Variants in MCTP2 observed in about 807,000 individuals in gnomAD.
MCTP2 encodes the protein multiple C2 and transmembrane domain containing 2.
Under a neutral mutation model 111.6 loss-of-function variants are expected in MCTP2, and 132 were observed. The ratio of observed to expected loss-of-function variants is 1.18; its 90% CI spans 1.03 to 1.37. The LOEUF (loss-of-function observed/expected upper bound fraction) is 1.37, where lower values mean the gene tolerates loss of function less well. Ranked by LOEUF, MCTP2 falls within the 40% of genes most tolerant of loss-of-function variation. The pLI is 0.00. For synonymous variants in MCTP2, 395 were observed against 387.7 expected (o/e 1.02, Z -0.22); for missense variants, 1,183 against 1,067.9 (o/e 1.11, Z -1.50).
At chr15:94,396,168 G>C (rs1281084659) in intron 14 of MCTP2, among the ~76,000 whole-genome samples, 1 of 152,158 alleles carries the variant, frequency 6.6e-6, no homozygotes, top group Non-Finnish European at 1.5e-5. Context: ...ACTCATATTT[G>C]AGTGAAGTGA....
intron 1 of MCTP2, among the ~76,000 whole-genome samples, chr15:94,250,913 C>T (rs746857593): frequency 7.9e-5 from 12 of 152,146 alleles, no homozygotes; most frequent in Non-Finnish European, 1.5e-4. Context: ...AAAATGTCCT[C>T]ATAGTCAAGT....
rs1397846880 is a variant in MCTP2, at chr15:94,396,441, TGTG to T, written c.1789-2519_1789-2517del. 2.0e-5 allele frequency among the ~76,000 whole-genome samples: 3 copies of T among 151,864 alleles called. No homozygotes were observed. The East Asian group carries it at 5.8e-4, about 29-fold the overall frequency. On this transcript the variant is annotated intron_variant, in intron 14 of 22. Transcript: ENST00000357742. ...AATAAATTTTGTTTAGACGTGGAATTGTGTGTGTGTGTATATATATATGTTTGG... is the reference window on the plus strand; with the variant it reads ...AATAAATTTTGTTTAGACGTGGAATTTGTGTGTGTATATATATATGTTTGG...
chr15:94,331,976 G>T (rs536063494), intron 4 of MCTP2, among the ~76,000 whole-genome samples: 3 of 152,316 alleles, frequency 2.0e-5, no homozygotes, highest in East Asian at 1.9e-4. Context: ...GCAAAAGAAA[G>T]ATGGGCCATG....
intron 20 of MCTP2, among the ~76,000 whole-genome samples, chr15:94,462,933 T>G (rs11074278): frequency 5.9e-5 from 9 of 152,204 alleles, no homozygotes; most frequent in Non-Finnish European, 4.4e-5. Context: ...TGACTTGACT[T>G]TCTTCTTGTG....
chr15:94,241,377 A>G (rs12899267), intron 1 of MCTP2, among the ~76,000 whole-genome samples: 24,186 of 152,088 alleles, frequency 0.16, 2,120 homozygotes, highest in African/African-American at 0.18. Flanking sequence ...TTTTTGTTTA[A>G]ACTATTTTCT....
intron 17 of MCTP2, among the ~76,000 whole-genome samples, chr15:94,409,614 A>G (rs1449129880): frequency 6.6e-6 from 1 of 152,044 alleles, no homozygotes; most frequent in African/African-American, 2.4e-5. Context: ...CTTCAATCTT[A>G]AAGAAAAGAC....
chr15:94,277,050 G>T (rs1019946237), intron 1 of MCTP2, among the ~76,000 whole-genome samples: 2 of 151,482 alleles, frequency 1.3e-5, no homozygotes, highest in African/African-American at 4.9e-5. Flanking sequence ...TAGATAATTA[G>T]AGTTTACAGA....
intron 10 of MCTP2, among the ~76,000 whole-genome samples, chr15:94,362,391 G>T (rs892213581): frequency 7.2e-5 from 11 of 152,150 alleles, no homozygotes; most frequent in African/African-American, 2.7e-4. Context: ...ACTTAATTTA[G>T]TTTGGAAAGG....
chr15:94,404,817 T>C (rs1596605172), intron 17 of MCTP2, among the ~76,000 whole-genome samples: 1 of 152,282 alleles, frequency 6.6e-6, no homozygotes, highest in African/African-American at 2.4e-5. Flanking sequence ...GGGTTGTCTT[T>C]CTGCAAAATG....
At chr15:94,404,306 T>TGG (rs2081780216) in intron 17 of MCTP2, among the ~76,000 whole-genome samples, 1 of 100,088 alleles carries the variant, frequency 1.0e-5, no homozygotes. Flanking sequence ...TTTTTATTGT[T>TGG]TTTTTTTTTT....
chr15:94,301,789 G>C (rs1326555600), intron 2 of MCTP2, among the ~76,000 whole-genome samples: 2 of 149,910 alleles, frequency 1.3e-5, no homozygotes, highest in Non-Finnish European at 3.0e-5. Flanking sequence ...AAACTTTTTG[G>C]CTGAAATTTG....
chr15:94,382,342 C>T (rs142498930), intron 12 of MCTP2, among the ~76,000 whole-genome samples: 155 of 152,264 alleles, frequency 1.0e-3, no homozygotes, highest in Non-Finnish European at 1.1e-3. Flanking sequence ...ATTTCTTTTC[C>T]GCTATATGTA....
intron 20 of MCTP2, among the ~76,000 whole-genome samples, chr15:94,467,983 G>C (rs1192253677): frequency 6.6e-6 from 1 of 152,166 alleles, no homozygotes; most frequent in South Asian, 2.1e-4. Flanking sequence ...TGGATGAGGG[G>C]AGGGCTTTGG....
At position 94,409,520 on chromosome 15, in the gene MCTP2, G is replaced by C. The variant is rs576140653; in HGVS notation, c.2085+7501G>C. On this transcript the variant is annotated intron_variant, in intron 17 of 22. Coordinates refer to ENST00000357742, the MANE Select transcript of MCTP2 (RefSeq NM_001385001.1). ...TAACCCTGACTAATACGGATTCCTT[G>C]TCTTTTACAGATCCCAAGTAGTGCA... Among the ~76,000 whole-genome samples, 31 of 152,024 alleles carry C rather than the reference G, an allele frequency of 2.0e-4. 1 individual carries two copies. In the South Asian group the frequency reaches 2.3e-3, roughly 11 times the overall value.
chr15:94,453,419 G>A (rs1253035367), intron 19 of MCTP2, among the ~76,000 whole-genome samples: 1 of 152,208 alleles, frequency 6.6e-6, no homozygotes, highest in Non-Finnish European at 1.5e-5. Flanking sequence ...GTGGTAGAAA[G>A]CATGTGATGT....
chr15:94,340,373 C>A, intron 6 of MCTP2, 98 bp downstream of exon 6: 1 of 848,480 alleles, frequency 1.2e-6, no homozygotes, highest in South Asian at 1.5e-5. Context: ...ACAAAAATAA[C>A]ATATCTGAAC....
chr15:94,315,223 C>T (rs948760565), intron 3 of MCTP2, among the ~76,000 whole-genome samples: 8 of 152,148 alleles, frequency 5.3e-5, no homozygotes, highest in African/African-American at 1.7e-4. Flanking sequence ...AGTTTTATAA[C>T]AAGGGATCCT....
At chr15:94,359,123 A>G (rs1056952914) in intron 10 of MCTP2, among the ~76,000 whole-genome samples, 2 of 152,148 alleles carry the variant, frequency 1.3e-5, no homozygotes, top group Admixed American at 6.5e-5. Context: ...AATAATATCA[A>G]TATTATTGCT....
chr15:94,408,097 A>G (rs2081989306), intron 17 of MCTP2, among the ~76,000 whole-genome samples: 1 of 152,186 alleles, frequency 6.6e-6, no homozygotes, highest in African/African-American at 2.4e-5. Flanking sequence ...ATTTACTTTA[A>G]GTTCTGTCAC....
Sources: gnomAD v4.1 joint callset for allele counts (sites outside exome capture counted in the v4.1 genomes callset) on GRCh38, gnomAD v4.1.1 for gene constraint, MANE v1.5 for transcripts, NCBI Gene and HGNC (gene_info 2026-07-23, HGNC 2026-07-21) for gene names.